Variants in HPSE2 observed in about 807,000 individuals in gnomAD.
HPSE2 encodes the protein heparanase 2 (inactive), also known as inactive heparanase-2.
A neutral mutation model predicts 60.5 loss-of-function variants in HPSE2; 38 were observed. That is an observed-to-expected ratio of 0.63 (90% CI 0.48 to 0.82). The LOEUF (loss-of-function observed/expected upper bound fraction) is 0.82. Ranked by LOEUF, HPSE2 falls within the 40% of genes least tolerant of loss-of-function variation. The pLI is 0.00. For synonymous variants in HPSE2, 295 were observed against 293.2 expected, an observed-to-expected ratio of 1.01 and a Z score of -0.06; for missense variants, 713 against 740.4, an observed-to-expected ratio of 0.96 and a Z score of 0.43.
intron 2 of HPSE2, among the ~76,000 whole-genome samples, chr10:99,161,245 T>C (rs1846831176): frequency 6.7e-6 from 1 of 148,430 alleles, no homozygotes; most frequent in South Asian, 2.1e-4. Flanking sequence ...GACTTGTACA[T>C]GAATATTTAT....
chr10:98,644,622 G>C (rs1463846444), intron 6 of HPSE2, among the ~76,000 whole-genome samples: 1 of 152,190 alleles, frequency 6.6e-6, no homozygotes, highest in Non-Finnish European at 1.5e-5. Context: ...CCAGGGACAA[G>C]AATTCACTGT....
chr10:98,748,015 T>C (rs748046966), intron 3 of HPSE2, among the ~76,000 whole-genome samples: 7 of 152,104 alleles, frequency 4.6e-5, no homozygotes, highest in Non-Finnish European at 1.0e-4. Context: ...TAATTATTGC[T>C]AGGCTGGGCG....
chr10:98,831,240 T>C (rs1446815342), intron 3 of HPSE2, among the ~76,000 whole-genome samples: 2 of 152,156 alleles, frequency 1.3e-5, no homozygotes, highest in Admixed American at 6.5e-5. Flanking sequence ...ATAGAAGCCA[T>C]ATTGGCCTTC....
intron 6 of HPSE2, among the ~76,000 whole-genome samples, chr10:98,659,956 G>A (rs475945): frequency 0.14 from 21,682 of 152,144 alleles, 1,984 homozygotes; most frequent in East Asian, 0.23. Context: ...ACTTCACTGA[G>A]TACTTGTGAG....
At chr10:98,962,434 A>G (rs977216722) in intron 3 of HPSE2, among the ~76,000 whole-genome samples, 20 of 151,990 alleles carry the variant, frequency 1.3e-4, no homozygotes, top group Non-Finnish European at 2.1e-4. Flanking sequence ...AGTGGTTTGT[A>G]GTAATAAGAG....
intron 8 of HPSE2, among the ~76,000 whole-genome samples, chr10:98,616,083 C>G (rs904219522): frequency 2.0e-5 from 3 of 151,980 alleles, no homozygotes; most frequent in Admixed American, 6.5e-5. Context: ...CCCTTCTACT[C>G]TTCTTTGAAC....
At chr10:98,993,465 T>C (rs1956573811) in intron 3 of HPSE2, among the ~76,000 whole-genome samples, 1 of 152,238 alleles carries the variant, frequency 6.6e-6, no homozygotes, top group Admixed American at 6.5e-5. Context: ...CATAATAGTA[T>C]ATAGTTCCAC....
chr10:98,736,156 T>A (rs773317927), intron 4 of HPSE2, among the ~76,000 whole-genome samples: 16 of 151,964 alleles, frequency 1.1e-4, no homozygotes, highest in African/African-American at 3.9e-4. Context: ...GTTCTCATGG[T>A]AGTGAATAAG....
chr10:98,579,515 C>T (rs188256162), intron 9 of HPSE2, among the ~76,000 whole-genome samples: 107 of 152,186 alleles, frequency 7.0e-4, no homozygotes, highest in African/African-American at 6.3e-4. Flanking sequence ...TTCAGGGAGC[C>T]GGCAGGCACT....
chr10:98,713,729 C>T (rs560190853), intron 5 of HPSE2, among the ~76,000 whole-genome samples: 1 of 151,384 alleles, frequency 6.6e-6, no homozygotes, highest in Admixed American at 6.6e-5. Context: ...TTTTTTTTTC[C>T]TCCACATAAT....
rs886497485 is a variant in HPSE2 at position 98,457,136 on chromosome 10, C to T, written c.*2438G>A. 1.3e-5 allele frequency: 2 copies of T among 152,154 alleles called. No homozygotes were observed. The highest frequency in any genetic ancestry group is 4.8e-5 in the African/African-American group (2 of 41,428). 9.4% of individuals were successfully genotyped at this position (152,154 alleles called of 1,614,324 possible). A position where few individuals can be genotyped will look rare whatever the true frequency, so the allele number is the denominator to read the frequency against. ...TAAAAAATAAACAAAACTTAAATCTCGTGAGAGCAGCATTTAATACACAGA... is the reference window on the plus strand; with the variant it reads ...TAAAAAATAAACAAAACTTAAATCTTGTGAGAGCAGCATTTAATACACAGA... On this transcript the variant is annotated 3_prime_UTR_variant, in exon 12 of 12. Coordinates refer to ENST00000370552, the MANE Select transcript of HPSE2 (RefSeq NM_021828.5).
At chr10:98,899,411 A>G (rs1304139962) in intron 3 of HPSE2, among the ~76,000 whole-genome samples, 4 of 152,246 alleles carry the variant, frequency 2.6e-5, no homozygotes, top group African/African-American at 7.2e-5. Flanking sequence ...TACAAACCAT[A>G]TATCTGATAA....
At chr10:98,531,107 T>A (rs1435929592) in intron 9 of HPSE2, among the ~76,000 whole-genome samples, 1 of 152,180 alleles carries the variant, frequency 6.6e-6, no homozygotes, top group Non-Finnish European at 1.5e-5. Flanking sequence ...TCCAACATTT[T>A]ATGCCCCAGT....
At chr10:98,534,394 T>C (rs184193204) in intron 9 of HPSE2, among the ~76,000 whole-genome samples, 3 of 150,320 alleles carry the variant, frequency 2.0e-5, no homozygotes, top group African/African-American at 7.3e-5. Context: ...ATTCACTTTA[T>C]TCATTAGAAT....
intron 9 of HPSE2, among the ~76,000 whole-genome samples, chr10:98,591,294 A>G (rs1038479603): frequency 3.3e-5 from 5 of 152,206 alleles, no homozygotes; most frequent in African/African-American, 1.2e-4. Context: ...AGAGCACTGT[A>G]CAAATGTAAA....
At chr10:98,864,654 T>G (rs915610246) in intron 3 of HPSE2, among the ~76,000 whole-genome samples, 1 of 152,124 alleles carries the variant, frequency 6.6e-6, no homozygotes, top group Non-Finnish European at 1.5e-5. Context: ...GAGCAGCTAA[T>G]AGGACACTCA....
intron 5 of HPSE2, among the ~76,000 whole-genome samples, chr10:98,705,492 A>G (rs190823854): frequency 4.9e-4 from 75 of 152,330 alleles, no homozygotes; most frequent in African/African-American, 1.7e-3. Context: ...AATAGCAAAG[A>G]CATGGAACCA....
chr10:98,612,959 T>C (rs1281282624), intron 9 of HPSE2, among the ~76,000 whole-genome samples: 5 of 152,170 alleles, frequency 3.3e-5, no homozygotes, highest in East Asian at 1.9e-4. Context: ...CCTAGTGTTC[T>C]TGTGTTTCCG....
intron 4 of HPSE2, among the ~76,000 whole-genome samples, chr10:98,736,123 A>T (rs2134301085): frequency 6.6e-6 from 1 of 152,136 alleles, no homozygotes; most frequent in East Asian, 1.9e-4. Flanking sequence ...TAATTGAATC[A>T]TGGGGTCAGT....
Sources: gnomAD v4.1 joint callset for allele counts (sites outside exome capture counted in the v4.1 genomes callset) on GRCh38, gnomAD v4.1.1 for gene constraint, MANE v1.5 for transcripts, NCBI Gene and HGNC (gene_info 2026-07-23, HGNC 2026-07-21) for gene names.